The following DMD variants were observed in gnomAD, a reference collection of about 807,000 sequenced individuals.
DMD encodes the protein dystrophin.
In DMD, 63 loss-of-function variants were observed where a neutral mutation model predicts 330.1. That is an observed-to-expected ratio of 0.19 (90% CI 0.16 to 0.24). DMD has a LOEUF of 0.24. Among genes scored for constraint, DMD ranks in the 10% least tolerant of loss-of-function variants. The pLI is 1.00. For synonymous variants in DMD, 1,223 were observed against 959.8 expected (o/e 1.27, Z -5.07); for missense variants, 3,344 against 2,684.1 (o/e 1.25, Z -5.43).
At chrX:32,238,853 T>C (rs1266388199) in intron 43 of DMD, among the ~76,000 whole-genome samples, 2 of 110,569 alleles carry the variant, frequency 1.8e-5, no homozygotes, top group Non-Finnish European at 3.8e-5. Flanking sequence ...GATTTTTAGC[T>C]CATTTGCTGT....
At chrX:33,276,674 T>C (rs764976624) in intron 1 of DMD, among the ~76,000 whole-genome samples, 46 of 112,233 alleles carry the variant, frequency 4.1e-4, no homozygotes, top group Admixed American at 2.6e-3. Context: ...GTCAAAAATA[T>C]GTAATCTACG....
chrX:32,700,084 T>G (rs2015370671), intron 7 of DMD, among the ~76,000 whole-genome samples: 4 of 111,871 alleles, frequency 3.6e-5, no homozygotes, highest in Admixed American at 1.9e-4. Context: ...AAGATTCATT[T>G]GCTACTTGGC....
rs775642293 is a variant in DMD at position 31,896,297 on chromosome X, T to TCAA, written c.6913-20927_6913-20925dup. Among the ~76,000 whole-genome samples, 325 of 112,033 alleles carry TCAA rather than the reference T, an allele frequency of 2.9e-3. 2 individuals carry two copies. The highest frequency in any genetic ancestry group is 9.0e-3 in the African/African-American group (279 of 30,960). ...ATCAATGATAGAAGTCAAATTTTAATCAACAATGCTGGGGGAAAGAGTAAA... is the reference window on the plus strand; with the variant it reads ...ATCAATGATAGAAGTCAAATTTTAATCAACAACAATGCTGGGGGAAAGAGTAAA... On this transcript the variant is annotated intron_variant, in intron 47 of 78. Transcript: ENST00000357033.
At position 32,123,202 on chromosome X, in the gene DMD, C is replaced by CATATATATATATAT. The variant is rs59017074; in HGVS notation, c.6438+93700_6438+93713dup. On this transcript the variant is annotated intron_variant, in intron 44 of 78. Coordinates refer to ENST00000357033, the MANE Select transcript of DMD (RefSeq NM_004006.3). Reference sequence around the variant, plus strand: ...TAAGGTGAATGGTTTTGTGAGCATGCATATATATATATATATATATATATA... The same window carrying CATATATATATATAT: ...TAAGGTGAATGGTTTTGTGAGCATGCATATATATATATATATATATATATATATATATATATATA... Among the ~76,000 whole-genome samples, 139 of 32,547 alleles carry CATATATATATATAT rather than the reference C, an allele frequency of 4.3e-3. 4 individuals are homozygous for CATATATATATATAT. Among genetic ancestry groups the CATATATATATATAT allele is most frequent in the African/African-American group, 4.9e-3 (35 of 7,093 alleles). The allele number at this position is 32,547 out of a possible 115,157, so 28.3% of individuals were successfully genotyped here.
chrX:32,948,113 G>GACACACACACACACACACACACACAC (rs3083093), intron 2 of DMD, among the ~76,000 whole-genome samples: 48 of 95,976 alleles, frequency 5.0e-4, no homozygotes, highest in East Asian at 3.7e-3. Flanking sequence ...GAGAGAAACA[G>GACACACACACACACACACACACACAC]ACACACACAC....
intron 54 of DMD, among the ~76,000 whole-genome samples, chrX:31,629,713 C>T (rs1194425116): frequency 1.8e-5 from 2 of 111,382 alleles, no homozygotes; most frequent in Non-Finnish European, 3.8e-5. Flanking sequence ...AGAACCACTG[C>T]AACAACTCCA....
intron 1 of DMD, among the ~76,000 whole-genome samples, chrX:33,070,669 CTCTCTATATATA>C (rs1265908269): frequency 9.0e-4 from 41 of 45,651 alleles, no homozygotes; most frequent in South Asian, 3.0e-3. Flanking sequence ...CTCTCTCTCT[CTCTCTATATATA>C]TATATATATA....
chrX:31,706,742 G>A (rs1235791284), intron 52 of DMD, among the ~76,000 whole-genome samples: 1 of 112,189 alleles, frequency 8.9e-6, no homozygotes, highest in African/African-American at 3.2e-5. Context: ...GTTTTCTCTT[G>A]GCTGGCAAGC....
At chrX:32,876,278 G>C (rs191211044) in intron 2 of DMD, among the ~76,000 whole-genome samples, 2 of 111,739 alleles carry the variant, frequency 1.8e-5, no homozygotes, top group East Asian at 5.6e-4. Flanking sequence ...GTTGTCTCTA[G>C]ATACAAAATG....
At position 31,623,333 on chromosome X, in the gene DMD, G is replaced by T. The variant is rs184394138; in HGVS notation, c.8217+4340C>A. Among the ~76,000 whole-genome samples, 10 of 110,936 alleles carry T rather than the reference G, an allele frequency of 9.0e-5. No individual in the cohort carries two copies. The Admixed American group carries it at 9.6e-4, about 11-fold the overall frequency. On this transcript the variant is annotated intron_variant, in intron 55 of 78. Transcript: ENST00000357033. ...GGCTGGAGTGCAGTGGCGCCATCTC[G>T]GCTCACTGCAACCTCCACCTCCTGG... is the stretch of plus-strand genomic sequence containing the variant.
intron 1 of DMD, among the ~76,000 whole-genome samples, chrX:33,121,238 T>A (rs762119061): frequency 9.2e-6 from 1 of 108,938 alleles, no homozygotes; most frequent in Non-Finnish European, 1.9e-5. Context: ...ATTCTTTTTT[T>A]TTTTTTTATT....
intron 52 of DMD, among the ~76,000 whole-genome samples, chrX:31,682,990 G>A (rs1028361864): frequency 8.9e-6 from 1 of 111,810 alleles, no homozygotes; most frequent in African/African-American, 3.3e-5. Flanking sequence ...CATTATTTCA[G>A]GCAAACATGG....
intron 30 of DMD, among the ~76,000 whole-genome samples, chrX:32,394,921 A>ACAAAAAAAAAAAAC (rs1557326842): frequency 3.0e-4 from 19 of 63,747 alleles, no homozygotes; most frequent in African/African-American, 1.0e-3. Flanking sequence ...AAAAACAAAA[A>ACAAAAAAAAAAAAC]AAAAAAAAAA....
intron 13 of DMD, among the ~76,000 whole-genome samples, chrX:32,577,059 C>T (rs765961398): frequency 8.5e-4 from 95 of 111,595 alleles, no homozygotes; most frequent in Non-Finnish European, 1.6e-3. Flanking sequence ...GGAATGTGCC[C>T]ATATTTGGAG....
At chrX:31,553,775 G>T (rs935198019) in intron 55 of DMD, among the ~76,000 whole-genome samples, 1 of 112,224 alleles carries the variant, frequency 8.9e-6, no homozygotes, top group Non-Finnish European at 1.9e-5. Flanking sequence ...TAAATTCTGT[G>T]TATTAACATA....
intron 13 of DMD, among the ~76,000 whole-genome samples, chrX:32,589,100 C>T (rs1429004962): frequency 1.8e-5 from 2 of 111,489 alleles, no homozygotes; most frequent in African/African-American, 6.5e-5. Context: ...TTTGAAAAAC[C>T]ATAGAGAAAG....
chrX:32,129,402 C>T (rs1213834491), intron 44 of DMD, among the ~76,000 whole-genome samples: 4 of 110,836 alleles, frequency 3.6e-5, no homozygotes, highest in Non-Finnish European at 7.6e-5. Flanking sequence ...CTCTTAGAGG[C>T]CAATTTGACA....
At chrX:32,667,708 A>G (rs1305808222) in intron 9 of DMD, among the ~76,000 whole-genome samples, 1 of 108,704 alleles carries the variant, frequency 9.2e-6, no homozygotes, top group Non-Finnish European at 1.9e-5. Context: ...CATTTTGTCT[A>G]TTTGACACTG....
intron 44 of DMD, among the ~76,000 whole-genome samples, chrX:32,205,208 TA>T (rs2097062341): frequency 1.0e-5 from 1 of 98,702 alleles, no homozygotes; most frequent in Non-Finnish European, 2.0e-5. Context: ...ATACTAGATT[TA>T]AAAAATGAAA....
Sources: allele counts gnomAD v4.1 joint callset (sites outside exome capture counted in the v4.1 genomes callset), GRCh38; gene constraint gnomAD v4.1.1; transcripts MANE v1.5; gene names NCBI Gene and HGNC (gene_info 2026-07-23, HGNC 2026-07-21).